ELAPOR2: variants seen among roughly 807,000 people sequenced by gnomAD.
ELAPOR2 encodes endosome/lysosome-associated apoptosis and autophagy regulator family member 2.
A neutral mutation model predicts 120.7 loss-of-function variants in ELAPOR2; 89 were observed. That is an observed-to-expected ratio of 0.74 (90% CI 0.62 to 0.88). ELAPOR2 has a LOEUF of 0.88. Ranked by LOEUF, ELAPOR2 falls within the 40% of genes least tolerant of loss-of-function variation. The pLI is 0.00. For missense variants in ELAPOR2, 1,134 were observed against 1,251.6 expected (o/e 0.91, Z 1.42); for synonymous variants, 444 against 444.9 (o/e 1.00, Z 0.03).
chr7:87,049,647 G>A (rs970387768), intron 1 of ELAPOR2, among the ~76,000 whole-genome samples: 4 of 152,170 alleles, frequency 2.6e-5, no homozygotes, highest in Non-Finnish European at 4.4e-5. Context: ...TGAAGTGCAT[G>A]AGGGACAAAG....
chr7:87,046,723 T>C (rs1794968911), intron 1 of ELAPOR2, among the ~76,000 whole-genome samples: 1 of 152,206 alleles, frequency 6.6e-6, no homozygotes, highest in African/African-American at 2.4e-5. Context: ...CCTGCTGCCT[T>C]GTGAAGGTAT....
At chr7:86,973,011 T>C (rs1337233579) in intron 1 of ELAPOR2, among the ~76,000 whole-genome samples, 1 of 152,148 alleles carries the variant, frequency 6.6e-6, no homozygotes, top group Non-Finnish European at 1.5e-5. Flanking sequence ...TGGTCCCACA[T>C]AGTAGGCAAG....
chr7:86,879,390 C>A lies in ELAPOR2; in HGVS notation c.*1081G>T, dbSNP rs529017828. The A allele has an allele frequency of 3.3e-5, 5 of 152,190 alleles. No individual in the cohort carries two copies. The highest frequency in any genetic ancestry group is 6.8e-3 in the Middle Eastern group (2 of 294). 9.4% of individuals were successfully genotyped at this position (152,190 alleles called of 1,614,324 possible). ...AATAACCACATTCTTATTATGAATA[C>A]AATTATATGTAATTTTTCAAAACTG... On this transcript the variant is annotated 3_prime_UTR_variant, in exon 22 of 22. Transcript: ENST00000450689.
At chr7:87,003,802 A>T (rs1793390599) in intron 1 of ELAPOR2, among the ~76,000 whole-genome samples, 2 of 152,212 alleles carry the variant, frequency 1.3e-5, no homozygotes, top group South Asian at 4.1e-4. Flanking sequence ...TTATTTTAAA[A>T]TAAAGAAGCT....
chr7:86,940,162 T>C (rs749110659), intron 5 of ELAPOR2, 47 bp from the exon 6 acceptor site: 2 of 1,202,940 alleles, frequency 1.7e-6, no homozygotes, highest in South Asian at 1.3e-5. Flanking sequence ...AGCCATGCCA[T>C]TTCCAAAAGC....
At chr7:87,012,139 T>A (rs191913436) in intron 1 of ELAPOR2, among the ~76,000 whole-genome samples, 1 of 152,110 alleles carries the variant, frequency 6.6e-6, no homozygotes, top group Non-Finnish European at 1.5e-5. Flanking sequence ...TGGCCGGGCG[T>A]GGTGGCTCAC....
At chr7:87,039,804 T>C (rs1393307432) in intron 1 of ELAPOR2, among the ~76,000 whole-genome samples, 1 of 152,096 alleles carries the variant, frequency 6.6e-6, no homozygotes, top group Non-Finnish European at 1.5e-5. Context: ...GGTCTACAGC[T>C]CCCAGCGTGA....
Position 87,055,782 on chromosome 7 carries a change from C to A in ELAPOR2, c.189+3543G>T, listed in dbSNP as rs550274222. The stretch of plus-strand genomic sequence containing the variant: ...CATCCTTATCCAATTAAATTATATT[C>A]TTTAAATTACTAATTTCATATCTGA... On this transcript the variant is annotated intron_variant, in intron 1 of 21. Coordinates refer to ENST00000450689, the MANE Select transcript of ELAPOR2 (RefSeq NM_001142749.3). 5.1e-4 allele frequency among the ~76,000 whole-genome samples: 78 copies of A among 152,208 alleles called. 1 individual carries two copies. Among genetic ancestry groups the A allele is most frequent in the African/African-American group, 1.8e-3 (76 of 41,522 alleles).
chr7:86,982,236 T>C (rs1482016647), intron 1 of ELAPOR2, among the ~76,000 whole-genome samples: 2 of 152,250 alleles, frequency 1.3e-5, no homozygotes, highest in African/African-American at 4.8e-5. Context: ...GGGCAGGGCA[T>C]AGCTGAACAA....
chr7:87,011,661 A>G (rs962380862), intron 1 of ELAPOR2, among the ~76,000 whole-genome samples: 1 of 152,246 alleles, frequency 6.6e-6, no homozygotes, highest in Non-Finnish European at 1.5e-5. Flanking sequence ...CTTTCACAGA[A>G]GCACATAACA....
At chr7:86,947,330 C>T (rs1021683875) in intron 3 of ELAPOR2, among the ~76,000 whole-genome samples, 1 of 152,146 alleles carries the variant, frequency 6.6e-6, no homozygotes, top group Non-Finnish European at 1.5e-5. Flanking sequence ...ACTTAACCCA[C>T]TCTCTTTTAT....
intron 21 of ELAPOR2, among the ~76,000 whole-genome samples, chr7:86,881,008 T>C (rs958847274): frequency 2.6e-5 from 4 of 152,134 alleles, no homozygotes; most frequent in Non-Finnish European, 5.9e-5. Flanking sequence ...TTCACTAATA[T>C]GTTTTAGGAA....
intron 1 of ELAPOR2, among the ~76,000 whole-genome samples, chr7:87,000,363 G>A: frequency 6.6e-6 from 1 of 151,446 alleles, no homozygotes; most frequent in East Asian, 1.9e-4. Flanking sequence ...CATCAGAAAA[G>A]AGAAAGTTCC....
chr7:86,951,254 C>A (rs1791231940), intron 2 of ELAPOR2, among the ~76,000 whole-genome samples: 1 of 152,090 alleles, frequency 6.6e-6, no homozygotes, highest in African/African-American at 2.4e-5. Flanking sequence ...CTGCATTGCC[C>A]ACAAAGACAA....
At chr7:87,003,501 C>G (rs373744148) in intron 1 of ELAPOR2, among the ~76,000 whole-genome samples, 3 of 152,146 alleles carry the variant, frequency 2.0e-5, no homozygotes, top group African/African-American at 7.2e-5. Context: ...CTTCCCCCTT[C>G]GCTTTCTCTC....
chr7:87,041,446 G>A (rs1333569075), intron 1 of ELAPOR2, among the ~76,000 whole-genome samples: 1 of 151,986 alleles, frequency 6.6e-6, no homozygotes, highest in African/African-American at 2.4e-5. Flanking sequence ...AGAAGAGAGT[G>A]GGGGCCAATA....
At chr7:86,997,864 A>C (rs1192103057) in intron 1 of ELAPOR2, among the ~76,000 whole-genome samples, 1 of 152,178 alleles carries the variant, frequency 6.6e-6, no homozygotes, top group Admixed American at 6.5e-5. Flanking sequence ...CTGAGTGGTT[A>C]GCTATGGTAC....
intron 1 of ELAPOR2, among the ~76,000 whole-genome samples, chr7:87,027,888 G>A (rs1426513207): frequency 6.6e-6 from 1 of 152,154 alleles, no homozygotes; most frequent in African/African-American, 2.4e-5. Flanking sequence ...AAACTAGAAA[G>A]AGGGGGGAAA....
chr7:87,055,891 C>T (rs923961829), intron 1 of ELAPOR2, among the ~76,000 whole-genome samples: 1 of 152,148 alleles, frequency 6.6e-6, no homozygotes, highest in Non-Finnish European at 1.5e-5. Flanking sequence ...GGGAGAACAG[C>T]AGAATTGCAT....
Sources: gnomAD v4.1 joint callset for allele counts (sites outside exome capture counted in the v4.1 genomes callset) on GRCh38, gnomAD v4.1.1 for gene constraint, MANE v1.5 for transcripts, NCBI Gene and HGNC (gene_info 2026-07-23, HGNC 2026-07-21) for gene names.